The following SLC5A5 variants were observed in gnomAD, a reference collection of about 807,000 sequenced individuals.
SLC5A5 encodes the protein solute carrier family 5 member 5.
In SLC5A5, 56 loss-of-function variants were observed where a neutral mutation model predicts 68.6. The ratio of observed to expected loss-of-function variants is 0.82; its 90% confidence interval spans 0.66 to 1.02. The LOEUF (loss-of-function observed/expected upper bound fraction) is 1.02. Ranked by LOEUF, SLC5A5 falls within the 50% of genes least tolerant of loss-of-function variation. The pLI is 0.00. For missense variants in SLC5A5, 807 were observed against 859.8 expected (o/e 0.94, Z 0.77); for synonymous variants, 398 against 373.0 (o/e 1.07, Z -0.77).
chr19:17,882,332 T>G, intron 10 of SLC5A5, 113 bp downstream of exon 10: 1 of 838,776 alleles, frequency 1.2e-6, no homozygotes, highest in Non-Finnish European at 1.9e-6. Context: ...CAGAACTCAC[T>G]TCTATGTTTT....
intron 5 of SLC5A5, 29 bp from the exon 6 acceptor site, chr19:17,877,694 C>T (rs370674553): frequency 6.2e-6 from 10 of 1,613,346 alleles, no homozygotes; most frequent in African/African-American, 5.3e-5. Context: ...GACATCTCCA[C>T]GTGGCTAACT....
chr19:17,890,337 T>G (rs2030115862), intron 13 of SLC5A5, among the ~76,000 whole-genome samples: 1 of 152,248 alleles, frequency 6.6e-6, no homozygotes, highest in Non-Finnish European at 1.5e-5. Flanking sequence ...TCCAAAGTGC[T>G]GGGACTACAG....
intron 12 of SLC5A5, among the ~76,000 whole-genome samples, chr19:17,885,760 C>T (rs1424423595): frequency 6.6e-6 from 1 of 152,152 alleles, no homozygotes; most frequent in Non-Finnish European, 1.5e-5. Flanking sequence ...TCCCCAGCTC[C>T]TGGCAAGCAC....
rs547441563 is a variant in SLC5A5, at chr19:17,895,055, G to A, written c.*1178G>A. ...CCAGCAACAACCAGAAATCAGGAGGGGGGCATGAGATGCATTATTTCTTAG... is the reference window on the plus strand; with the variant it reads ...CCAGCAACAACCAGAAATCAGGAGGAGGGCATGAGATGCATTATTTCTTAG... On this transcript the variant is annotated 3_prime_UTR_variant, in exon 15 of 15. Transcript: ENST00000222248. The A allele has an allele frequency of 9.9e-4, 150 of 151,886 alleles. No individual in the cohort carries two copies. Among genetic ancestry groups the A allele is most frequent in the African/African-American group, 3.5e-3 (146 of 41,406 alleles). The allele number at this position is 151,886 out of a possible 1,614,324, so 9.4% of individuals were successfully genotyped here. A position where few individuals can be genotyped will look rare whatever the true frequency, so the allele number is the denominator to read the frequency against.
Position 17,874,519 on chromosome 19 carries a change from A to G in SLC5A5, c.449A>G (p.Tyr150Cys). 6.2e-7 allele frequency: 1 copy of G among 1,613,778 alleles called. No individual in the cohort carries two copies. The highest frequency in any genetic ancestry group is 8.5e-7 in the Non-Finnish European group (1 of 1,179,956). Residue 150 changes from tyrosine (Y) to cysteine (C), a missense_variant, in exon 3 of 15, where the codon TAC becomes TGC. Coordinates refer to ENST00000222248, the MANE Select transcript of SLC5A5 (RefSeq NM_000453.3). ...ATMLYTGIVIYAPALILNQVT... is the reference protein window; with the variant it reads ...ATMLYTGIVICAPALILNQVT... Reference sequence around the variant, plus strand: ...ATGCTGTACACCGGCATCGTAATCTACGCACCGGCCCTCATCCTGAACCAA... The same window carrying G: ...ATGCTGTACACCGGCATCGTAATCTGCGCACCGGCCCTCATCCTGAACCAA...
rs1253620671 is a variant in SLC5A5, at chr19:17,894,785, G to A, written c.*908G>A. 2.0e-5 allele frequency: 3 copies of A among 152,206 alleles called. No homozygotes were observed. The highest frequency in any genetic ancestry group is 1.5e-5 in the Non-Finnish European group (1 of 68,064). 9.4% of individuals were successfully genotyped at this position (152,206 alleles called of 1,614,324 possible). On this transcript the variant is annotated 3_prime_UTR_variant, in exon 15 of 15. Transcript: ENST00000222248. ...ACAATGGAGGCTCTCGAATTGGGTT[G>A]TGTCCCCCCAAAATTTATGTCTACC...
At chr19:17,879,288 C>T (rs1011692870) in intron 7 of SLC5A5, among the ~76,000 whole-genome samples, 5 of 152,046 alleles carry the variant, frequency 3.3e-5, no homozygotes, top group South Asian at 2.1e-4. Flanking sequence ...AGAGAAACTC[C>T]GTCTCAAACA....
chr19:17,882,978 C>T (rs1395494099), intron 10 of SLC5A5, among the ~76,000 whole-genome samples: 1 of 151,990 alleles, frequency 6.6e-6, no homozygotes, highest in Non-Finnish European at 1.5e-5. Flanking sequence ...CCACCGCGCC[C>T]AGCTTATATT....
rs559639450 is a variant in SLC5A5, at chr19:17,885,069, C to T, written c.1526+1023C>T. 4.6e-5 allele frequency among the ~76,000 whole-genome samples: 7 copies of T among 150,588 alleles called. No homozygotes were observed. In the South Asian group the frequency reaches 6.3e-4, roughly 14 times the overall value. ...TTGCCCAGGCTGGAGTCCAGTGGCACGATCATAGCTCACTGCTGCCTCAAC... is the reference window on the plus strand; with the variant it reads ...TTGCCCAGGCTGGAGTCCAGTGGCATGATCATAGCTCACTGCTGCCTCAAC... On this transcript the variant is annotated intron_variant, in intron 12 of 14. Coordinates refer to ENST00000222248, the MANE Select transcript of SLC5A5 (RefSeq NM_000453.3).
chr19:17,885,011 T>TTC (rs2147746414), intron 12 of SLC5A5, among the ~76,000 whole-genome samples: 1 of 146,136 alleles, frequency 6.8e-6, no homozygotes, highest in East Asian at 2.0e-4. Context: ...CATTTTCTAT[T>TTC]TTTTTTTTTT....
At position 17,878,046 on chromosome 19, in the gene SLC5A5, A is replaced by G. The variant is rs370367370; in HGVS notation, c.922A>G (p.Thr308Ala). 2.5e-6 allele frequency: 4 copies of G among 1,613,006 alleles called. No individual in the cohort carries two copies. Among genetic ancestry groups the G allele is most frequent in the Non-Finnish European group, 3.4e-6 (4 of 1,180,016 alleles). Residue 308 changes from threonine (T) to alanine (A), a missense_variant, in exon 7 of 15, where the codon ACT (threonine) becomes GCT (alanine). Thr to Ala is a moderately conservative substitution (Grantham distance 58, BLOSUM62 0). Transcript: ENST00000222248. ...CCGIVMFVFY[T>A]DCDPLLLGRI... ...TGGCATCGTCATGTTTGTGTTCTAC[A>G]CTGACTGCGACCCTCTCCTCCTGGG...
At position 17,882,035 on chromosome 19, in the gene SLC5A5, G is replaced by C. The variant is rs1393300430; in HGVS notation, c.1134G>C (p.Leu378=). 1 of 1,614,058 alleles carries C rather than the reference G, an allele frequency of 6.2e-7. No homozygotes were observed. Among genetic ancestry groups the C allele is most frequent in the African/African-American group, 1.3e-5 (1 of 74,936 alleles). The change falls in exon 9 of 15, where the codon CTG becomes CTC. Residue 378 remains leucine, a synonymous_variant. Coordinates refer to ENST00000222248, the MANE Select transcript of SLC5A5 (RefSeq NM_000453.3). ...TCATCAAACCTCGGCTGCGGAGCCTGGCACCCAGGAAACTCGTGATTATCT... is the reference window on the plus strand; with the variant it reads ...TCATCAAACCTCGGCTGCGGAGCCTCGCACCCAGGAAACTCGTGATTATCT... The part of the protein sequence containing the change: ...EDLIKPRLRS[L]APRKLVIISK...
At chr19:17,883,802 G>GGGGCC in intron 11 of SLC5A5, 35 bp downstream of exon 11, 6 of 1,604,866 alleles carry the variant, frequency 3.7e-6, no homozygotes, top group Non-Finnish European at 5.1e-6. Context: ...GGGGAGGGGC[G>GGGGCC]GGGCCGGACA....
intron 12 of SLC5A5, among the ~76,000 whole-genome samples, chr19:17,885,637 T>A (rs2094331479): frequency 6.6e-6 from 1 of 152,014 alleles, no homozygotes; most frequent in Admixed American, 6.6e-5. Context: ...TGCCTCTGAC[T>A]CCCAAAGTGC....
chr19:17,882,707 G>A (rs1417386746), intron 10 of SLC5A5, among the ~76,000 whole-genome samples: 3 of 151,198 alleles, frequency 2.0e-5, no homozygotes, highest in African/African-American at 7.3e-5. Context: ...TTCTTGAGAC[G>A]GAGTCTCGCT....
chr19:17,872,199 G>T lies in SLC5A5; in HGVS notation c.-121G>T. The stretch of plus-strand genomic sequence containing the variant: ...CGCTTCCCACCCCAGACGGAGCGGG[G>T]ACAGGCTGCCGAGCATCCTCCCACC... On this transcript the variant is annotated 5_prime_UTR_variant, in exon 1 of 15. Transcript: ENST00000222248. 1 of 726,338 alleles carries T rather than the reference G, an allele frequency of 1.4e-6. No individual in the cohort carries two copies. The highest frequency in any genetic ancestry group is 2.8e-5 in the East Asian group (1 of 36,354). 45.0% of individuals were successfully genotyped at this position (726,338 alleles called of 1,614,324 possible). A position where few individuals can be genotyped will look rare whatever the true frequency, so the allele number is the denominator to read the frequency against.
intron 2 of SLC5A5, 71 bp downstream of exon 2, chr19:17,874,274 C>A: frequency 8.9e-7 from 1 of 1,125,470 alleles, no homozygotes; most frequent in South Asian, 1.3e-5. Flanking sequence ...CGGCCCCCAC[C>A]ATTCAAGACC....
At chr19:17,885,269 G>A (rs756040440) in intron 12 of SLC5A5, among the ~76,000 whole-genome samples, 3 of 151,742 alleles carry the variant, frequency 2.0e-5, no homozygotes, top group Non-Finnish European at 2.9e-5. Context: ...CCTCAGCCTT[G>A]CAAAGTGCCA....
chr19:17,893,576 G>A (rs2030282920), intron 14 of SLC5A5, 137 bp from the exon 15 acceptor site: 1 of 855,904 alleles, frequency 1.2e-6, no homozygotes, highest in East Asian at 2.7e-5. Context: ...CCCGTGCACT[G>A]AGCAAGGGGA....
Sources: allele counts gnomAD v4.1 joint callset (sites outside exome capture counted in the v4.1 genomes callset), GRCh38; gene constraint gnomAD v4.1.1; transcripts MANE v1.5; gene names NCBI Gene and HGNC (gene_info 2026-07-23, HGNC 2026-07-21).